Variants in CCNH observed in about 807,000 individuals in gnomAD.
CCNH encodes cyclin-H.
In CCNH, 31 loss-of-function variants were observed where a neutral mutation model predicts 41.9. The observed-to-expected ratio is 0.74, with a 90% CI of 0.56 to 1.00. The LOEUF (loss-of-function observed/expected upper bound fraction) is 1.00. Among genes scored for constraint, CCNH ranks in the 50% least tolerant of loss-of-function variants. CCNH has a pLI of 0.00. For missense variants in CCNH, 362 were observed against 388.4 expected (o/e 0.93, Z 0.57); for synonymous variants, 138 against 136.1 (o/e 1.01, Z -0.10).
At chr5:87,359,875 T>TA (rs1759940626) in intron 9 of CCNH, among the ~76,000 whole-genome samples, 1 of 152,152 alleles carries the variant, frequency 6.6e-6, no homozygotes, top group Non-Finnish European at 1.5e-5. Flanking sequence ...TCTAGAAAGG[T>TA]TTACGTACCT....
intron 9 of CCNH, chr5:87,363,574 C>G: frequency 6.6e-7 from 1 of 1,514,616 alleles, no homozygotes; most frequent in Non-Finnish European, 9.1e-7. Flanking sequence ...CAAAGCAAAC[C>G]AATTTTGAGA....
intron 9 of CCNH, chr5:87,363,619 C>A: frequency 8.3e-7 from 1 of 1,198,574 alleles, no homozygotes; most frequent in African/African-American, 1.5e-5. Context: ...AGCAGATGCA[C>A]TTTCTAGGTA....
chr5:87,349,351 C>T lies in CCNH; in HGVS notation c.*91-30454G>A, dbSNP rs1759093753. 1.2e-6 allele frequency: 2 copies of T among 1,611,284 alleles called. No homozygotes were observed. Among genetic ancestry groups the T allele is most frequent in the Non-Finnish European group, 8.5e-7 (1 of 1,178,298 alleles). On this transcript the variant is annotated intron_variant and NMD_transcript_variant, in intron 9 of 9. Transcript: ENST00000645953. Reference sequence around the variant, plus strand: ...AAACAATCAGTTTATGATGGGAGGCCGGTATTATAACAGGTAAATCATAAT... The same window carrying T: ...AAACAATCAGTTTATGATGGGAGGCTGGTATTATAACAGGTAAATCATAAT...
At chr5:87,360,081 G>A (rs563370284) in intron 9 of CCNH, among the ~76,000 whole-genome samples, 12 of 150,642 alleles carry the variant, frequency 8.0e-5, no homozygotes, top group African/African-American at 2.9e-4. Context: ...ATCACTACTG[G>A]AATCTAGCTT....
In CCNH at chr5:87,399,486, C is replaced by G. The variant is rs1268977589; in HGVS notation, c.780G>C (p.Lys260Asn). Residue 260 changes from lysine to asparagine, a missense_variant, in exon 7 of 9, where the codon AAG becomes AAC. Physicochemically the swap from Lys to Asn is moderately conservative, Grantham distance 94. Coordinates refer to ENST00000256897, the MANE Select transcript of CCNH (RefSeq NM_001239.4). The part of the protein sequence containing the change: ...DIMKSMRNLV[K>N]KYEPPRSEEV... The stretch of plus-strand genomic sequence containing the variant: ...CTTCAGATCTGGGTGGTTCATACTT[C>G]TTTACTAAGTTTCTCATGCCTATGT... The G allele has an allele frequency of 6.2e-7, 1 of 1,612,650 alleles. No homozygotes were observed.
intron 9 of CCNH, among the ~76,000 whole-genome samples, chr5:87,338,536 A>ATATTTTTTTTTTTTTT: frequency 3.5e-5 from 3 of 85,216 alleles, no homozygotes; most frequent in African/African-American, 1.3e-4. Flanking sequence ...TATATATAAA[A>ATATTTTTTTTTTTTTT]TTTTTTTTTT....
Position 87,394,353 on chromosome 5 carries a change from G to A in CCNH, c.*93C>T. 1 of 1,494,112 alleles carries A rather than the reference G, an allele frequency of 6.7e-7. No homozygotes were observed. Among genetic ancestry groups the A allele is most frequent in the Non-Finnish European group, 9.0e-7 (1 of 1,116,762 alleles). The allele number at this position is 1,494,112 out of a possible 1,614,324, so 92.6% of individuals were successfully genotyped here. On this transcript the variant is annotated 3_prime_UTR_variant, in exon 9 of 9. Coordinates refer to ENST00000256897, the MANE Select transcript of CCNH (RefSeq NM_001239.4). ...ATAGAAAAGTTTTAATATATTTTAT[G>A]TTTTCACATTATACTTTTTAAATAA...
rs774609195 is a variant in CCNH, at chr5:87,394,467, G to A, written c.951C>T (p.Asp317=). ...ATGGTTAGAGAGATTCTACCAGGTC[G>A]TCATCAGTCCATTCTTCCTAAGAAG... ...SKHEEEEWTD[D]DLVESL is the part of the protein sequence containing the mutation. Residue 317 remains aspartate, a synonymous_variant, in exon 9 of 9, where the codon GAC becomes GAT. Transcript: ENST00000256897. 1.2e-5 allele frequency: 20 copies of A among 1,613,192 alleles called. No individual in the cohort carries two copies. In the African/African-American group the frequency reaches 1.7e-4, roughly 14 times the overall value.
rs118187113 is a variant in CCNH, at chr5:87,383,095, A to G, written c.*90+9675T>C. 8.9e-3 allele frequency among the ~76,000 whole-genome samples: 1,361 copies of G among 152,208 alleles called. 61 individuals carry two copies. The highest frequency in any genetic ancestry group is 0.064 in the Admixed American group (978 of 15,270). On this transcript the variant is annotated intron_variant and NMD_transcript_variant, in intron 9 of 9. Coordinates refer to the CCNH transcript ENST00000645953. ...GGTGACAGAACAAAACCCTATCTCA[A>G]AGAAAACAAAGAAAAAAGGAAAAAA... is the stretch of plus-strand genomic sequence containing the variant.
the CCNH span, among the ~76,000 whole-genome samples, chr5:87,313,013 G>A: frequency 6.6e-6 from 1 of 152,182 alleles, no homozygotes; most frequent in Non-Finnish European, 1.5e-5. Context: ...TTCCCACAGA[G>A]AGACTGTGAG....
chr5:87,390,947 A>G, downstream of CCNH: 1 of 1,490,826 alleles, frequency 6.7e-7, no homozygotes, highest in Non-Finnish European at 9.4e-7. Context: ...ACTTCAGTTT[A>G]ATGTCTCCTT....
At chr5:87,397,442 G>A (rs149749484) in intron 7 of CCNH, among the ~76,000 whole-genome samples, 1,813 of 152,268 alleles carry the variant, frequency 0.012, 28 homozygotes, top group African/African-American at 0.041. Flanking sequence ...TTACAGGCAT[G>A]AGCCACTGTG....
In CCNH at chr5:87,353,735, T is replaced by C. The variant is rs147218836; in HGVS notation, c.*91-34838A>G. Among the ~76,000 whole-genome samples, 66 of 151,968 alleles carry C rather than the reference T, an allele frequency of 4.3e-4. No homozygotes were observed. The East Asian group carries it at 0.011, about 25-fold the overall frequency. ...AGGAGAGTGAAGTTGTATGGGGAGA[T>C]GGGTGGTGGCAATGTCTTACAGACA... On this transcript the variant is annotated intron_variant and NMD_transcript_variant, in intron 9 of 9. Coordinates refer to the CCNH transcript ENST00000645953.
chr5:87,403,002 A>G (rs1466435478), intron 5 of CCNH, among the ~76,000 whole-genome samples: 1 of 152,232 alleles, frequency 6.6e-6, no homozygotes, highest in Non-Finnish European at 1.5e-5. Context: ...CTAAAGTAGC[A>G]GATGAAAAAT....
At chr5:87,391,427 T>C (rs1762506131), downstream of CCNH, 5 of 244,404 alleles carry the variant, frequency 2.0e-5, no homozygotes, top group Admixed American at 2.5e-4. Flanking sequence ...CTTTGCTGTA[T>C]ACTTTTAAAA....
intron 9 of CCNH, among the ~76,000 whole-genome samples, chr5:87,337,411 G>A (rs1184846038): frequency 6.6e-6 from 1 of 152,004 alleles, no homozygotes; most frequent in Non-Finnish European, 1.5e-5. Context: ...ATTGGATAAT[G>A]GGTATCTGGG....
At chr5:87,371,029 AC>A (rs1391962415) in intron 9 of CCNH, among the ~76,000 whole-genome samples, 1 of 152,168 alleles carries the variant, frequency 6.6e-6, no homozygotes, top group African/African-American at 2.4e-5. Flanking sequence ...TTGGTAACTT[AC>A]ATGATTTTTT....
At chr5:87,338,368 G>A (rs2112387581) in intron 9 of CCNH, among the ~76,000 whole-genome samples, 1 of 150,486 alleles carries the variant, frequency 6.6e-6, no homozygotes, top group South Asian at 2.1e-4. Context: ...GTCTTGGTCT[G>A]TTACCCAGGC....
intron 9 of CCNH, among the ~76,000 whole-genome samples, chr5:87,361,071 A>C (rs893956507): frequency 4.6e-5 from 7 of 152,262 alleles, no homozygotes; most frequent in African/African-American, 1.7e-4. Flanking sequence ...TATTTATTTC[A>C]GTTATATCAT....
Sources: gnomAD v4.1 joint callset for allele counts (sites outside exome capture counted in the v4.1 genomes callset) on GRCh38, gnomAD v4.1.1 for gene constraint, MANE v1.5 for transcripts, NCBI Gene and HGNC (gene_info 2026-07-23, HGNC 2026-07-21) for gene names.